The following UVRAG variants were observed in gnomAD, a reference collection of about 807,000 sequenced individuals.
UVRAG encodes the protein UV radiation resistance associated, also known as UV radiation resistance-associated gene protein.
UVRAG carries 19 observed loss-of-function variants against 78.0 expected under a neutral mutation model. The ratio of observed to expected loss-of-function variants is 0.24; its 90% CI spans 0.17 to 0.36. The LOEUF (loss-of-function observed/expected upper bound fraction) is 0.36, where lower values mean the gene tolerates loss of function less well. Ranked by LOEUF, UVRAG falls within the 10% of genes least tolerant of loss-of-function variation. UVRAG has a pLI of 1.00. For synonymous variants in UVRAG, 323 were observed against 324.6 expected, an observed-to-expected ratio of 1.00 and a Z score of 0.05; for missense variants, 740 against 853.8, an observed-to-expected ratio of 0.87 and a Z score of 1.66.
intron 13 of UVRAG, among the ~76,000 whole-genome samples, chr11:76,112,420 A>G (rs983492617): frequency 3.3e-5 from 5 of 152,226 alleles, no homozygotes; most frequent in Non-Finnish European, 5.9e-5. Context: ...CTCCCATGCT[A>G]TCCTTTCCCA....
At chr11:76,040,551 T>C (rs1950628134) in intron 12 of UVRAG, among the ~76,000 whole-genome samples, 1 of 151,724 alleles carries the variant, frequency 6.6e-6, no homozygotes, top group African/African-American at 2.4e-5. Flanking sequence ...TTTGTTTGTT[T>C]TGTTTTGTTT....
intron 6 of UVRAG, among the ~76,000 whole-genome samples, chr11:75,939,627 G>A (rs73493944): frequency 0.14 from 20,515 of 151,890 alleles, 3,061 homozygotes; most frequent in African/African-American, 0.37. Flanking sequence ...ATGAGCATAT[G>A]GTCTAAAGTG....
Position 75,932,265 on chromosome 11 carries a change from C to CTTTATTTA in UVRAG, c.593+20257_593+20264dup, listed in dbSNP as rs71272238. Among the ~76,000 whole-genome samples, 1,238 of 149,654 alleles carry CTTTATTTA rather than the reference C, an allele frequency of 8.3e-3. 6 individuals are homozygous for CTTTATTTA. Among genetic ancestry groups the CTTTATTTA allele is most frequent in the South Asian group, 0.019 (87 of 4,662 alleles). ...TATCTTTGTTTGCAGATTATATGATCTTTATTTATTTATTTATTTATTTAT... is the reference window on the plus strand; with the variant it reads ...TATCTTTGTTTGCAGATTATATGATCTTTATTTATTTATTTATTTATTTATTTATTTAT... On this transcript the variant is annotated intron_variant, in intron 6 of 14. Transcript: ENST00000356136.
chr11:76,116,163 G>A, intron 14 of UVRAG, 148 bp downstream of exon 14: 1 of 781,734 alleles, frequency 1.3e-6, no homozygotes, highest in African/African-American at 1.7e-5. Context: ...CATCACAGTT[G>A]GGGAGATCTA....
At position 76,141,843 on chromosome 11, in the gene UVRAG, A is replaced by T. The variant is rs1444318263; in HGVS notation, c.*430A>T. On this transcript the variant is annotated 3_prime_UTR_variant, in exon 15 of 15. Coordinates refer to ENST00000356136, the MANE Select transcript of UVRAG (RefSeq NM_003369.4). The stretch of plus-strand genomic sequence containing the variant: ...TTGGGAAAACGGAATATTCAGAAAT[A>T]GGTTTCCGCCATGTACTGAAAGGTC... 5.4e-6 allele frequency: 1 copy of T among 186,776 alleles called. No homozygotes were observed. The highest frequency in any genetic ancestry group is 1.1e-5 in the Non-Finnish European group (1 of 89,004). The allele number at this position is 186,776 out of a possible 1,614,324, so 11.6% of individuals were successfully genotyped here.
rs896656932 is a variant in UVRAG, at chr11:76,142,456, T to G, written c.*1043T>G. 2 of 152,616 alleles carry G rather than the reference T, an allele frequency of 1.3e-5. No homozygotes were observed. Among genetic ancestry groups the G allele is most frequent in the Non-Finnish European group, 2.9e-5 (2 of 68,040 alleles). The allele number at this position is 152,616 out of a possible 1,614,324, so 9.5% of individuals were successfully genotyped here. On this transcript the variant is annotated 3_prime_UTR_variant, in exon 15 of 15. Coordinates refer to ENST00000356136, the MANE Select transcript of UVRAG (RefSeq NM_003369.4). ...AGGCTAGACGAGACATAGAATACTA[T>G]TGGTATGTGTGCAATTTCATGAATA... is the stretch of plus-strand genomic sequence containing the variant.
chr11:75,981,836 C>T (rs1489087156), intron 7 of UVRAG, among the ~76,000 whole-genome samples: 2 of 151,986 alleles, frequency 1.3e-5, no homozygotes, highest in African/African-American at 4.8e-5. Context: ...AGCCCATTCA[C>T]TGAGTTTTTG....
chr11:76,103,098 CA>C (rs1288336962), intron 13 of UVRAG, among the ~76,000 whole-genome samples: 5 of 152,172 alleles, frequency 3.3e-5, no homozygotes, highest in Admixed American at 6.5e-5. Context: ...CCTCCATCTT[CA>C]GACCAATAAT....
intron 6 of UVRAG, chr11:75,942,353 A>G (rs1023575659): frequency 6.5e-6 from 1 of 153,038 alleles, no homozygotes. Context: ...TGTCCTGTCT[A>G]ATGACTTTGA....
chr11:75,887,306 C>T (rs1947101680), intron 4 of UVRAG, among the ~76,000 whole-genome samples: 2 of 151,436 alleles, frequency 1.3e-5, no homozygotes, highest in African/African-American at 2.4e-5. Context: ...CCACCATGCC[C>T]GGCTAAATTT....
At chr11:76,036,418 C>T in intron 12 of UVRAG, among the ~76,000 whole-genome samples, 1 of 151,598 alleles carries the variant, frequency 6.6e-6, no homozygotes, top group Admixed American at 6.6e-5. Context: ...AGTGTGATGG[C>T]ACCCAGCTAC....
At chr11:76,018,016 CTAA>C (rs1181104602) in intron 12 of UVRAG, among the ~76,000 whole-genome samples, 2 of 152,010 alleles carry the variant, frequency 1.3e-5, no homozygotes, top group African/African-American at 4.8e-5. Flanking sequence ...TAAATAAATA[CTAA>C]TGTCTTCTTA....
chr11:75,964,684 C>T (rs1398255068), intron 7 of UVRAG, among the ~76,000 whole-genome samples: 2 of 152,170 alleles, frequency 1.3e-5, no homozygotes, highest in East Asian at 1.9e-4. Context: ...AGGTGGATCA[C>T]GAGGTCAGGA....
chr11:75,870,184 T>G (rs1261814677), intron 3 of UVRAG, among the ~76,000 whole-genome samples: 1 of 152,238 alleles, frequency 6.6e-6, no homozygotes, highest in African/African-American at 2.4e-5. Flanking sequence ...ACTTAGGAAT[T>G]ATTGCTCATT....
chr11:75,988,266 T>C (rs1949539600), intron 8 of UVRAG, among the ~76,000 whole-genome samples: 1 of 152,256 alleles, frequency 6.6e-6, no homozygotes, highest in African/African-American at 2.4e-5. Flanking sequence ...GGCCTTGTTG[T>C]AGTCAGTTCT....
intron 1 of UVRAG, 116 bp from the exon 2 acceptor site, chr11:75,851,767 T>A: frequency 1.3e-6 from 1 of 786,936 alleles, no homozygotes; most frequent in Non-Finnish European, 2.1e-6. Flanking sequence ...GGTTTCTGGC[T>A]CAATAAATAA....
chr11:75,896,885 G>C (rs1006935654), intron 5 of UVRAG, among the ~76,000 whole-genome samples: 2 of 152,174 alleles, frequency 1.3e-5, no homozygotes, highest in Non-Finnish European at 2.9e-5. Flanking sequence ...TTGTTATAAG[G>C]CTGGAGTGAA....
At chr11:75,905,794 C>T (rs1427775652) in intron 5 of UVRAG, among the ~76,000 whole-genome samples, 1 of 151,938 alleles carries the variant, frequency 6.6e-6, no homozygotes, top group Admixed American at 6.5e-5. Flanking sequence ...TTGTTTGAGT[C>T]CCTGTTTTCA....
chr11:76,112,065 A>T (rs183573646), intron 13 of UVRAG, among the ~76,000 whole-genome samples: 1 of 152,246 alleles, frequency 6.6e-6, no homozygotes, highest in Admixed American at 6.5e-5. Flanking sequence ...TATTGAAAGG[A>T]TGTACTAAGT....
Sources: allele counts gnomAD v4.1 joint callset (sites outside exome capture counted in the v4.1 genomes callset), GRCh38; gene constraint gnomAD v4.1.1; transcripts MANE v1.5; gene names NCBI Gene and HGNC (gene_info 2026-07-23, HGNC 2026-07-21).